MYLK: variants seen among roughly 807,000 people sequenced by gnomAD.
The protein encoded by MYLK is myosin light chain kinase, smooth muscle.
MYLK carries 106 observed loss-of-function variants against 203.4 expected under a neutral mutation model. The observed-to-expected ratio is 0.52, with a 90% confidence interval of 0.45 to 0.61. The LOEUF (loss-of-function observed/expected upper bound fraction) is 0.61, where lower values mean the gene tolerates loss of function less well. Ranked by LOEUF, MYLK falls within the 20% of genes least tolerant of loss-of-function variation. The pLI, the probability that MYLK is intolerant of heterozygous loss-of-function variation, is 0.00. For missense variants in MYLK, 2,072 were observed against 2,442.3 expected, an observed-to-expected ratio of 0.85 and a Z score of 3.20; for synonymous variants, 867 against 959.5, an observed-to-expected ratio of 0.90 and a Z score of 1.78.
chr3:123,767,660 A>C (rs2063749374), intron 4 of MYLK, among the ~76,000 whole-genome samples: 1 of 152,220 alleles, frequency 6.6e-6, no homozygotes, highest in Non-Finnish European at 1.5e-5. Flanking sequence ...AGCTGCCCTA[A>C]GGCCTTTGCT....
At chr3:123,849,291 T>C (rs868379760) in intron 2 of MYLK, among the ~76,000 whole-genome samples, 2 of 152,198 alleles carry the variant, frequency 1.3e-5, no homozygotes, top group Non-Finnish European at 2.9e-5. Flanking sequence ...ATTTTTCATA[T>C]GTTAAATGTT....
chr3:123,803,503 T>C (rs540085138), intron 3 of MYLK, among the ~76,000 whole-genome samples: 1 of 152,196 alleles, frequency 6.6e-6, no homozygotes, highest in African/African-American at 2.4e-5. Flanking sequence ...CTTCCTTCTC[T>C]GGTCCTCTCT....
intron 10 of MYLK, 97 bp downstream of exon 10, chr3:123,733,590 G>T: frequency 1.4e-6 from 2 of 1,443,402 alleles, no homozygotes; most frequent in Non-Finnish European, 1.9e-6. Context: ...AAGATGAGTG[G>T]ATATAGGTGA....
intron 17 of MYLK, 83 bp downstream of exon 17, chr3:123,701,355 G>C (rs540126804): frequency 7.1e-7 from 1 of 1,402,830 alleles, no homozygotes; most frequent in East Asian, 2.3e-5. Context: ...ACAATCTAGG[G>C]CTGCTGGGCT....
chr3:123,699,980 T>TA, intron 18 of MYLK, 40 bp downstream of exon 18: 2 of 1,613,944 alleles, frequency 1.2e-6, no homozygotes, highest in Non-Finnish European at 1.7e-6. Context: ...GTGGCCCTGG[T>TA]ACAGAGGCCC....
chr3:123,647,872 T>C (rs1035684014), intron 26 of MYLK, among the ~76,000 whole-genome samples: 1 of 152,140 alleles, frequency 6.6e-6, no homozygotes. Context: ...ATTTCTAATG[T>C]TGACAAGCCT....
At chr3:123,754,565 C>T (rs1443093094) in intron 4 of MYLK, among the ~76,000 whole-genome samples, 1 of 152,144 alleles carries the variant, frequency 6.6e-6, no homozygotes, top group East Asian at 1.9e-4. Context: ...ACAAGTGTTC[C>T]AGAACTTAGG....
rs2057243233 is a variant in MYLK, at chr3:123,611,410, A to G, written c.*2695T>C. ...TGAACTGCACCAAAGTCACCAATTC[A>G]AACCATGCCCTGGTAAATAGTATCA... On this transcript the variant is annotated 3_prime_UTR_variant, in exon 34 of 34. Coordinates refer to ENST00000360304, the MANE Select transcript of MYLK (RefSeq NM_053025.4). 6.6e-6 allele frequency: 1 copy of G among 151,644 alleles called. No individual in the cohort carries two copies. The highest frequency in any genetic ancestry group is 6.6e-5 in the Admixed American group (1 of 15,228). The allele number at this position is 151,644 out of a possible 1,614,324, so 9.4% of individuals were successfully genotyped here. A position where few individuals can be genotyped will look rare whatever the true frequency, so the allele number is the denominator to read the frequency against.
At position 123,686,351 on chromosome 3, in the gene MYLK, C is replaced by G. The variant is rs993649733; in HGVS notation, c.3566-4041G>C. On this transcript the variant is annotated intron_variant, in intron 19 of 33. Coordinates refer to ENST00000360304, the MANE Select transcript of MYLK (RefSeq NM_053025.4). ...ACCCCTCCCACTCCTGGGCTCTGGA[C>G]TCAAGCTCTCTGGGCAGCGTTTTTT... Among the ~76,000 whole-genome samples, 3 of 141,954 alleles carry G rather than the reference C, an allele frequency of 2.1e-5. No homozygotes were observed. In the Admixed American group the frequency reaches 2.3e-4, roughly 11 times the overall value. 93.1% of individuals were successfully genotyped at this position (141,954 alleles called of 152,430 possible). A position where few individuals can be genotyped will look rare whatever the true frequency, so the allele number is the denominator to read the frequency against.
intron 3 of MYLK, among the ~76,000 whole-genome samples, chr3:123,794,718 G>C (rs1400240417): frequency 6.6e-6 from 1 of 152,196 alleles, no homozygotes; most frequent in African/African-American, 2.4e-5. Flanking sequence ...CTACTCATTA[G>C]AGCGATCGTC....
intron 21 of MYLK, chr3:123,666,931 G>A: frequency 3.2e-6 from 2 of 619,626 alleles, no homozygotes; most frequent in Non-Finnish European, 5.7e-6. Flanking sequence ...ACAAAGCTGT[G>A]GAAGGGGACC....
At position 123,640,120 on chromosome 3, in the gene MYLK, G is replaced by T. The variant is rs530416352; in HGVS notation, c.4837+167C>A. The stretch of plus-strand genomic sequence containing the variant: ...CCACTTTTCTGATGGGGAATTTGAG[G>T]CTTACTGTCACGTCTAGTATGTGGT... On this transcript the variant is annotated intron_variant, in intron 28 of 33. Coordinates refer to ENST00000360304, the MANE Select transcript of MYLK (RefSeq NM_053025.4). The surrounding 1 kb of genome is among the most constrained non-coding windows in gnomAD (Gnocchi z 4.3). 3.9e-5 allele frequency among the ~76,000 whole-genome samples: 6 copies of T among 152,018 alleles called. No homozygotes were observed. The highest frequency in any genetic ancestry group is 7.4e-5 in the Non-Finnish European group (5 of 68,014).
Position 123,638,142 on chromosome 3 carries a change from A to G in MYLK, c.4890T>C (p.Pro1630=). The G allele has an allele frequency of 6.2e-7, 1 of 1,614,122 alleles. No homozygotes were observed. The highest frequency in any genetic ancestry group is 8.5e-7 in the Non-Finnish European group (1 of 1,180,014). ...VLFGTPEFVA[P]EVINYEPIGY... is the part of the protein sequence containing the mutation. ...CGATGGGCTCATAGTTGATCACTTCAGGAGCCACAAATTCTGGGGTGCCAA... is the reference window on the plus strand; with the variant it reads ...CGATGGGCTCATAGTTGATCACTTCGGGAGCCACAAATTCTGGGGTGCCAA... The change falls in exon 29 of 34, where the codon CCT becomes CCC. Residue 1630 remains proline (P), a synonymous_variant. Transcript: ENST00000360304.
At chr3:123,746,210 C>T (rs940363285) in intron 5 of MYLK, among the ~76,000 whole-genome samples, 8 of 152,076 alleles carry the variant, frequency 5.3e-5, no homozygotes, top group African/African-American at 1.9e-4. Flanking sequence ...TGAAGCCAGG[C>T]ATGGTGGTAC....
chr3:123,838,717 A>G (rs1411257744), intron 2 of MYLK, among the ~76,000 whole-genome samples: 7 of 152,228 alleles, frequency 4.6e-5, no homozygotes, highest in Non-Finnish European at 1.0e-4. Context: ...GTGATGAAAG[A>G]TATATGTTGT....
intron 18 of MYLK, among the ~76,000 whole-genome samples, chr3:123,695,488 G>T (rs1166617732): frequency 6.6e-6 from 1 of 152,190 alleles, no homozygotes; most frequent in Non-Finnish European, 1.5e-5. Context: ...GATCTGGTAG[G>T]ATCTATGTAA....
intron 4 of MYLK, among the ~76,000 whole-genome samples, chr3:123,779,549 AACAGGCTCTGCCTGCCCCC>A (rs1360686299): frequency 6.6e-6 from 1 of 152,138 alleles, no homozygotes; most frequent in Non-Finnish European, 1.5e-5. Context: ...TCCAGCTCTC[AACAGGCTCTGCCTGCCCCC>A]ACCTCGTCCT....
At chr3:123,720,408 G>GGA (rs59348844) in intron 13 of MYLK, among the ~76,000 whole-genome samples, 3,380 of 152,228 alleles carry the variant, frequency 0.022, 87 homozygotes, top group African/African-American at 0.075. Context: ...GGCTGTGGAG[G>GGA]GAGTATCAGA....
chr3:123,784,376 C>CTTTTT lies in MYLK; in HGVS notation c.165+9296_165+9300dup, dbSNP rs576849217. ...CAAATACGGCTCATGGGTTGACTTT[C>CTTTTT]TTTTTTTTTTTTTTTTTTTTTTTTT... On this transcript the variant is annotated intron_variant, in intron 4 of 33. Coordinates refer to ENST00000360304, the MANE Select transcript of MYLK (RefSeq NM_053025.4). Among the ~76,000 whole-genome samples the CTTTTT allele has an allele frequency of 4.7e-4, 37 of 78,680 alleles. 3 individuals carry two copies. In the East Asian group the frequency reaches 7.2e-3, roughly 15 times the overall value. The allele number at this position is 78,680 out of a possible 152,430, so 51.6% of individuals were successfully genotyped here. A position where few individuals can be genotyped will look rare whatever the true frequency, so the allele number is the denominator to read the frequency against.
Sources: gnomAD v4.1 joint callset for allele counts (sites outside exome capture counted in the v4.1 genomes callset) on GRCh38, gnomAD v4.1.1 for gene constraint, Gnocchi (gnomAD v3.1) non-coding constraint, MANE v1.5 for transcripts, NCBI Gene and HGNC (gene_info 2026-07-23, HGNC 2026-07-21) for gene names.